Variants in RNF128 observed in about 807,000 individuals in gnomAD.
RNF128 encodes ring finger protein 128.
A neutral mutation model predicts 26.2 loss-of-function variants in RNF128; 13 were observed. The ratio of observed to expected loss-of-function variants is 0.50; its 90% CI spans 0.32 to 0.79. The LOEUF (loss-of-function observed/expected upper bound fraction) is 0.79, where lower values mean the gene tolerates loss of function less well. Ranked by LOEUF, RNF128 falls within the 30% of genes least tolerant of loss-of-function variation. RNF128 has a pLI of 0.03. For missense variants in RNF128, 315 were observed against 349.7 expected, an observed-to-expected ratio of 0.90 and a Z score of 0.79; for synonymous variants, 149 against 142.5, an observed-to-expected ratio of 1.05 and a Z score of -0.32.
intron 1 of RNF128, among the ~76,000 whole-genome samples, chrX:106,731,302 G>T (rs1261481582): frequency 9.0e-6 from 1 of 110,995 alleles, no homozygotes; most frequent in African/African-American, 3.3e-5. Flanking sequence ...AGATCTTTTG[G>T]TCCTCCTATG....
intron 1 of RNF128, among the ~76,000 whole-genome samples, chrX:106,765,752 A>G (rs1461989926): frequency 2.7e-5 from 3 of 111,461 alleles, no homozygotes; most frequent in Admixed American, 1.9e-4. Context: ...GTTCTAGGCT[A>G]CATGTGCACA....
chrX:106,704,433 GAA>G (rs55870405), intron 1 of RNF128, among the ~76,000 whole-genome samples: 176 of 49,445 alleles, frequency 3.6e-3, no homozygotes, highest in African/African-American at 0.013. Flanking sequence ...CTCTGTCTCA[GAA>G]AAAAAAAAAA....
intron 1 of RNF128, among the ~76,000 whole-genome samples, chrX:106,696,466 T>C (rs899984963): frequency 5.4e-5 from 6 of 111,352 alleles, no homozygotes; most frequent in Non-Finnish European, 1.1e-4. Flanking sequence ...TTAAAGACTG[T>C]CATTATTTTA....
intron 1 of RNF128, among the ~76,000 whole-genome samples, chrX:106,739,280 C>G (rs1244764364): frequency 9.0e-6 from 1 of 110,731 alleles, no homozygotes; most frequent in Non-Finnish European, 1.9e-5. Flanking sequence ...CTGCCTCAGC[C>G]TCCTGAGTAG....
chrX:106,773,569 G>T (rs1190693208), intron 2 of RNF128, among the ~76,000 whole-genome samples: 1 of 111,131 alleles, frequency 9.0e-6, no homozygotes, highest in Non-Finnish European at 1.9e-5. Flanking sequence ...ATCGCCCAAA[G>T]GTAACCACTA....
chrX:106,796,043 C>A lies in RNF128; in HGVS notation c.*330C>A. Reference sequence around the variant, plus strand: ...ATGTTGCTTTTAAAATGTGGAGTAGCTGTAATCACTTTATTTTATGATAGT... The same window carrying A: ...ATGTTGCTTTTAAAATGTGGAGTAGATGTAATCACTTTATTTTATGATAGT... On this transcript the variant is annotated 3_prime_UTR_variant, in exon 7 of 7. Coordinates refer to ENST00000255499, the MANE Select transcript of RNF128 (RefSeq NM_194463.2). 8.2e-6 allele frequency: 1 copy of A among 122,292 alleles called. No homozygotes were observed. Among genetic ancestry groups the A allele is most frequent in the Non-Finnish European group, 1.7e-5 (1 of 59,396 alleles). The allele number at this position is 122,292 out of a possible 1,213,427, so 10.1% of individuals were successfully genotyped here.
intron 1 of RNF128, among the ~76,000 whole-genome samples, chrX:106,702,712 G>T (rs1418261599): frequency 8.9e-6 from 1 of 111,843 alleles, no homozygotes; most frequent in Non-Finnish European, 1.9e-5. Flanking sequence ...ATAAAGTTGG[G>T]GGAAAGATTT....
chrX:106,736,459 C>T (rs901462943), intron 1 of RNF128, among the ~76,000 whole-genome samples: 2 of 111,397 alleles, frequency 1.8e-5, no homozygotes, highest in African/African-American at 6.5e-5. Context: ...ATACACACCC[C>T]TCTTAGAGCT....
At chrX:106,759,575 C>T (rs867819331) in intron 1 of RNF128, among the ~76,000 whole-genome samples, 1 of 111,847 alleles carries the variant, frequency 8.9e-6, no homozygotes, top group Non-Finnish European at 1.9e-5. Context: ...AAATGTGGTA[C>T]TTACACACAA....
In RNF128 at chrX:106,796,389, C is replaced by CA. The variant is rs757146268; in HGVS notation, c.*681dup. The CA allele has an allele frequency of 1.7e-4, 19 of 111,802 alleles. No homozygotes were observed. The highest frequency in any genetic ancestry group is 2.8e-4 in the Non-Finnish European group (15 of 52,965). 9.2% of individuals were successfully genotyped at this position (111,802 alleles called of 1,213,427 possible). A position where few individuals can be genotyped will look rare whatever the true frequency, so the allele number is the denominator to read the frequency against. Reference sequence around the variant, plus strand: ...ACAAGATTAGACAAAAAATTCCTTACAAAAATACTGTGTAACTATTTCTCA... The same window carrying CA: ...ACAAGATTAGACAAAAAATTCCTTACAAAAAATACTGTGTAACTATTTCTCA... On this transcript the variant is annotated 3_prime_UTR_variant, in exon 7 of 7. Transcript: ENST00000255499.
At chrX:106,709,178 G>A (rs1021004909) in intron 1 of RNF128, among the ~76,000 whole-genome samples, 2 of 111,514 alleles carry the variant, frequency 1.8e-5, no homozygotes, top group Non-Finnish European at 3.8e-5. Context: ...AATGAAAGTA[G>A]GCTTCTATTT....
rs779457844 is a variant in RNF128, at chrX:106,791,086, A to G, written c.1005A>G (p.Ser335=). 8.3e-7 allele frequency: 1 copy of G among 1,205,373 alleles called. No individual in the cohort carries two copies. The highest frequency in any genetic ancestry group is 2.2e-5 in the Admixed American group (1 of 45,420). ...TAAAGGTGGATGTTGAAGATGGATC[A>G]GTGTCTTTACAAGTCCCTGTATCCA... ...LGIEVDVEDG[S]VSLQVPVSNE... is the part of the protein sequence containing the mutation. Residue 335 remains serine (S), a synonymous_variant, in exon 6 of 7, where the codon TCA becomes TCG. Transcript: ENST00000255499.
At chrX:106,696,185 A>G (rs1479637404) in intron 1 of RNF128, among the ~76,000 whole-genome samples, 1 of 112,033 alleles carries the variant, frequency 8.9e-6, no homozygotes, top group African/African-American at 3.2e-5. Flanking sequence ...CATAACTGTG[A>G]TAGTTAACAT....
intron 1 of RNF128, among the ~76,000 whole-genome samples, chrX:106,750,220 T>C (rs1422979386): frequency 8.9e-6 from 1 of 112,144 alleles, no homozygotes; most frequent in Non-Finnish European, 1.9e-5. Context: ...CACTACACAT[T>C]AGGGCTTTCT....
rs746738429 is a variant in RNF128, at chrX:106,772,962, A to T, written c.534A>T (p.Lys178Asn). ...AIMIGNLKGT[K>N]ILQSIQRGIQ... The stretch of plus-strand genomic sequence containing the variant: ...TGATCGGCAATCTGAAAGGCACAAA[A>T]ATTCTGCAATCTATTCAAAGAGGCA... The change falls in exon 2 of 7, where the codon AAA becomes AAT. Residue 178 changes from lysine to asparagine, a missense_variant. Coordinates refer to ENST00000255499, the MANE Select transcript of RNF128 (RefSeq NM_194463.2). 2 of 1,210,802 alleles carry T rather than the reference A, an allele frequency of 1.7e-6. No individual in the cohort carries two copies. Among genetic ancestry groups the T allele is most frequent in the South Asian group, 3.5e-5 (2 of 56,879 alleles).
Position 106,726,958 on chromosome X carries a change from C to T in RNF128, c.45C>T (p.Cys15=). Residue 15 remains cysteine (C), a synonymous_variant, in exon 1 of 7, where the codon TGC becomes TGT. Coordinates refer to ENST00000255499, the MANE Select transcript of RNF128 (RefSeq NM_194463.2). ...PGAGVSCRGG[C]GFSRLLAWCF... ...CCGGGGTCTCCTGCCGCGGTGGCTG[C>T]GGCTTTTCCAGATTGCTGGCATGGT... The T allele has an allele frequency of 8.4e-6, 10 of 1,189,025 alleles. No individual in the cohort carries two copies. Among genetic ancestry groups the T allele is most frequent in the Non-Finnish European group, 1.1e-5 (10 of 884,759 alleles).
rs749004317 is a variant in RNF128, at chrX:106,762,350, T to C, written c.485-10563T>C. The stretch of plus-strand genomic sequence containing the variant: ...TTTTTTTTGAGATGGAGTTTTGCTC[T>C]TGTTGCCCAGGCTGGAGTGCAGTGG... On this transcript the variant is annotated intron_variant, in intron 1 of 6. Transcript: ENST00000255499. Among the ~76,000 whole-genome samples, 4 of 107,700 alleles carry C rather than the reference T, an allele frequency of 3.7e-5. No homozygotes were observed. In the South Asian group the frequency reaches 1.7e-3, roughly 47 times the overall value. 93.5% of individuals were successfully genotyped at this position (107,700 alleles called of 115,157 possible).
intron 3 of RNF128, among the ~76,000 whole-genome samples, chrX:106,786,839 CA>C (rs2147701472): frequency 9.0e-6 from 1 of 111,105 alleles, no homozygotes; most frequent in African/African-American, 3.3e-5. Context: ...GGCAAATAAA[CA>C]CATAAAAGAT....
intron 1 of RNF128, among the ~76,000 whole-genome samples, chrX:106,737,810 T>A (rs189846852): frequency 2.7e-5 from 3 of 111,959 alleles, no homozygotes; most frequent in African/African-American, 9.7e-5. Flanking sequence ...ATAGGTGTGT[T>A]TCAATCAAAT....
Sources: gnomAD v4.1 joint callset for allele counts (sites outside exome capture counted in the v4.1 genomes callset) on GRCh38, gnomAD v4.1.1 for gene constraint, MANE v1.5 for transcripts, NCBI Gene and HGNC (gene_info 2026-07-23, HGNC 2026-07-21) for gene names.